ESRRG: variants seen among roughly 807,000 people sequenced by gnomAD.
ESRRG encodes the protein estrogen-related receptor gamma.
A neutral mutation model predicts 44.0 loss-of-function variants in ESRRG; 13 were observed. That is an observed-to-expected ratio of 0.30 (90% confidence interval 0.19 to 0.47). ESRRG has a LOEUF of 0.47. Among genes scored for constraint, ESRRG ranks in the 20% least tolerant of loss-of-function variants. The probability of loss-of-function intolerance (pLI) is 1.00; values close to 1 mark genes in which losing one functional copy is unlikely to be tolerated. For synonymous variants in ESRRG, 215 were observed against 214.6 expected (o/e 1.00, Z -0.02); for missense variants, 395 against 580.6 (o/e 0.68, Z 3.29).
At chr1:217,046,979 A>G (rs2085003567) in intron 1 of ESRRG, among the ~76,000 whole-genome samples, 1 of 152,136 alleles carries the variant, frequency 6.6e-6, no homozygotes, top group Non-Finnish European at 1.5e-5. Flanking sequence ...AGCTGATTGA[A>G]TATATTAACA....
chr1:216,994,926 C>T (rs1200916490), intron 1 of ESRRG, among the ~76,000 whole-genome samples: 1 of 152,184 alleles, frequency 6.6e-6, no homozygotes, highest in Non-Finnish European at 1.5e-5. Context: ...CCTCAGTGAT[C>T]CTGCTCTTGC....
chr1:217,019,177 G>T (rs1195469113), intron 1 of ESRRG, among the ~76,000 whole-genome samples: 1 of 152,152 alleles, frequency 6.6e-6, no homozygotes, highest in East Asian at 1.9e-4. Context: ...TGCTCAAGTT[G>T]AACAAAATTC....
At chr1:216,562,165 T>C (rs1425087124) in intron 5 of ESRRG, among the ~76,000 whole-genome samples, 1 of 152,190 alleles carries the variant, frequency 6.6e-6, no homozygotes, top group Middle Eastern at 3.2e-3. Flanking sequence ...AATATTGGCC[T>C]TACAAATCTT....
chr1:216,715,597 A>AT (rs929762765), intron 1 of ESRRG, among the ~76,000 whole-genome samples: 10 of 151,826 alleles, frequency 6.6e-5, no homozygotes, highest in Admixed American at 4.6e-4. Flanking sequence ...CTCACAGTTT[A>AT]TTTTTTTTCT....
At chr1:216,883,382 C>A (rs6701202) in intron 2 of ESRRG, among the ~76,000 whole-genome samples, 4 of 87,124 alleles carry the variant, frequency 4.6e-5, no homozygotes, top group Non-Finnish European at 8.2e-5. Context: ...CGAGACTTCT[C>A]TGAGAAAAAA....
At chr1:216,775,054 C>T (rs1179513647) in intron 2 of ESRRG, among the ~76,000 whole-genome samples, 1 of 151,924 alleles carries the variant, frequency 6.6e-6, no homozygotes, top group African/African-American at 2.4e-5. Flanking sequence ...AGTAATCCTC[C>T]CATCTCGGCC....
intron 1 of ESRRG, among the ~76,000 whole-genome samples, chr1:217,007,830 A>C (rs2077972327): frequency 6.6e-6 from 1 of 151,488 alleles, no homozygotes; most frequent in Admixed American, 6.6e-5. Flanking sequence ...TAGACAGTCA[A>C]AGGCAAATAA....
At chr1:217,038,221 C>T (rs1016386995) in intron 1 of ESRRG, among the ~76,000 whole-genome samples, 2 of 152,214 alleles carry the variant, frequency 1.3e-5, no homozygotes, top group Admixed American at 1.3e-4. Flanking sequence ...TTTGTCATTG[C>T]CCTAGCAGAG....
rs183985985 is a variant in ESRRG, at chr1:216,580,641, G to A, written c.590-12543C>T. ...CCTGAGACATTTTTATTGCTCTCCTGCCTGGAAGCAGATGAATGAGTTTGA... is the reference window on the plus strand; with the variant it reads ...CCTGAGACATTTTTATTGCTCTCCTACCTGGAAGCAGATGAATGAGTTTGA... On this transcript the variant is annotated intron_variant, in intron 3 of 6. Transcript: ENST00000408911. Among the ~76,000 whole-genome samples, 196 of 152,274 alleles carry A rather than the reference G, an allele frequency of 1.3e-3. 2 individuals are homozygous for A. Among genetic ancestry groups the A allele is most frequent in the Admixed American group, 0.011 (168 of 15,290 alleles).
At position 217,088,516 on chromosome 1, in the gene ESRRG, T is replaced by C. The variant is rs534285194; in HGVS notation, c.-106+991A>G. Among the ~76,000 whole-genome samples the C allele has an allele frequency of 2.6e-3, 395 of 151,072 alleles. 3 individuals are homozygous for C. Among genetic ancestry groups the C allele is most frequent in the African/African-American group, 9.3e-3 (384 of 41,106 alleles). On this transcript the variant is annotated intron_variant, in intron 1 of 7. Transcript: ENST00000359162. ...CTTTCTGTGTGTGTCTGTGTCTTAT[T>C]GCATGGCCACTGGTTCTGGTACTAC...
chr1:216,555,372 C>T (rs2149435182), intron 5 of ESRRG, among the ~76,000 whole-genome samples: 1 of 152,114 alleles, frequency 6.6e-6, no homozygotes, highest in East Asian at 1.9e-4. Context: ...TTTAAAATGA[C>T]TTGAATATTT....
chr1:216,910,011 T>C (rs1042442135), intron 2 of ESRRG, among the ~76,000 whole-genome samples: 1 of 152,154 alleles, frequency 6.6e-6, no homozygotes, highest in African/African-American at 2.4e-5. Flanking sequence ...ATTTTAGCTA[T>C]ATAAACTTAA....
intron 2 of ESRRG, among the ~76,000 whole-genome samples, chr1:216,780,583 A>T (rs1271343281): frequency 1.3e-5 from 2 of 152,010 alleles, no homozygotes; most frequent in Non-Finnish European, 2.9e-5. Flanking sequence ...CAATATCTTC[A>T]TGTTATCAAA....
At chr1:216,953,270 C>T (rs563852493) in intron 1 of ESRRG, among the ~76,000 whole-genome samples, 2 of 152,204 alleles carry the variant, frequency 1.3e-5, no homozygotes, top group Non-Finnish European at 1.5e-5. Flanking sequence ...CATTAGGGAC[C>T]AATTTCGAGT....
In ESRRG at chr1:216,676,054, C is replaced by T. The variant is rs758380516; in HGVS notation, c.472+1022G>A. On this transcript the variant is annotated intron_variant, in intron 2 of 6. Coordinates refer to ENST00000408911, the MANE Select transcript of ESRRG (RefSeq NM_001438.4). ...TCCATAACTGGTTGTTAGGAAGACACATTTTGTAAACCACTGAGCAGAACC... is the reference window on the plus strand; with the variant it reads ...TCCATAACTGGTTGTTAGGAAGACATATTTTGTAAACCACTGAGCAGAACC... 6.6e-5 allele frequency among the ~76,000 whole-genome samples: 10 copies of T among 152,160 alleles called. 1 individual carries two copies. The highest frequency in any genetic ancestry group is 8.8e-5 in the Non-Finnish European group (6 of 68,026).
chr1:216,964,995 C>T (rs1269957987), intron 1 of ESRRG, among the ~76,000 whole-genome samples: 5 of 152,158 alleles, frequency 3.3e-5, no homozygotes, highest in Non-Finnish European at 7.4e-5. Flanking sequence ...GCACTAATCA[C>T]ATTTCATTAC....
chr1:216,869,161 CT>C (rs2096222144), intron 2 of ESRRG, among the ~76,000 whole-genome samples: 1 of 152,006 alleles, frequency 6.6e-6, no homozygotes, highest in Admixed American at 6.5e-5. Context: ...ATAGTTTTCT[CT>C]TATGTTGTCT....
chr1:216,846,624 G>T (rs1481537085), intron 2 of ESRRG, among the ~76,000 whole-genome samples: 2 of 152,118 alleles, frequency 1.3e-5, no homozygotes, highest in South Asian at 4.1e-4. Context: ...TTCTCAAGAT[G>T]CATAAAAGTG....
intron 2 of ESRRG, among the ~76,000 whole-genome samples, chr1:216,880,550 G>A (rs1452934787): frequency 6.6e-6 from 1 of 151,998 alleles, no homozygotes; most frequent in Non-Finnish European, 1.5e-5. Context: ...TCCAAATGTA[G>A]TTTCAACACT....
Sources: gnomAD v4.1 joint callset for allele counts (sites outside exome capture counted in the v4.1 genomes callset) on GRCh38, gnomAD v4.1.1 for gene constraint, MANE v1.5 for transcripts, NCBI Gene and HGNC (gene_info 2026-07-23, HGNC 2026-07-21) for gene names.